FLT4: variants seen among roughly 807,000 people sequenced by gnomAD.
FLT4 encodes fms related receptor tyrosine kinase 4.
FLT4 carries 30 observed loss-of-function variants against 163.2 expected under a neutral mutation model. The observed-to-expected ratio is 0.18, with a 90% CI of 0.14 to 0.25. The LOEUF is 0.25. Among genes scored for constraint, FLT4 ranks in the 10% least tolerant of loss-of-function variants. The pLI is 1.00. For synonymous variants in FLT4, 884 were observed against 789.5 expected (o/e 1.12, Z -2.01); for missense variants, 1,510 against 1,863.8 (o/e 0.81, Z 3.50).
chr5:180,646,271 C>G (rs970063867), intron 1 of FLT4, among the ~76,000 whole-genome samples: 10 of 152,166 alleles, frequency 6.6e-5, no homozygotes, highest in Admixed American at 6.5e-4. Flanking sequence ...TCCCCACCAT[C>G]CCCAGCTGCT....
chr5:180,626,000 G>A lies in FLT4; in HGVS notation c.1290C>T (p.Ser430=), dbSNP rs779120273. The change falls in exon 10 of 30, where the codon TCC becomes TCT. Residue 430 remains serine, a synonymous_variant. Coordinates refer to ENST00000261937, the MANE Select transcript of FLT4 (RefSeq NM_182925.5). ...VPPQIHEKEA[S]SPSIYSRHSR... is the part of the protein sequence containing the mutation. ...TGTGACGCGAGTAGATGCTGGGGGA[G>A]GAGGCCTCCTTCTCATGTATCTGGG... 5.6e-6 allele frequency: 9 copies of A among 1,612,624 alleles called. 1 individual carries two copies. The South Asian group carries it at 9.9e-5, about 18-fold the overall frequency.
intron 1 of FLT4, among the ~76,000 whole-genome samples, chr5:180,646,139 G>T (rs536557676): frequency 1.3e-5 from 2 of 151,980 alleles, no homozygotes; most frequent in East Asian, 3.9e-4. Context: ...TATCTGGCCG[G>T]GTGCATCAGC....
At chr5:180,632,952 G>C (rs540181761) in intron 1 of FLT4, among the ~76,000 whole-genome samples, 1 of 152,142 alleles carries the variant, frequency 6.6e-6, no homozygotes, top group South Asian at 2.1e-4. Flanking sequence ...CCTCCCCCAG[G>C]TCCCTGTCCT....
Position 180,620,010 on chromosome 5 carries a change from G to A in FLT4, c.2542+163C>T, listed in dbSNP as rs1366585903. 6.6e-6 allele frequency among the ~76,000 whole-genome samples: 1 copy of A among 152,162 alleles called. No individual in the cohort carries two copies. Among genetic ancestry groups the A allele is most frequent in the Non-Finnish European group, 1.5e-5 (1 of 68,016 alleles). The stretch of plus-strand genomic sequence containing the variant: ...GTGACCTCAGGGAGCCTGGGAACTG[G>A]GGACCCTGGCTGAGGTTCTAGGTAC... On this transcript the variant is annotated intron_variant, in intron 17 of 29. Transcript: ENST00000261937. The surrounding 1 kb of genome is among the most constrained non-coding windows in gnomAD (Gnocchi z 4.4).
rs1561704087 is a variant in FLT4, at chr5:180,615,192, CCCCG to C, written c.3220-1017_3220-1014del. On this transcript the variant is annotated intron_variant, in intron 23 of 29. Coordinates refer to ENST00000261937, the MANE Select transcript of FLT4 (RefSeq NM_182925.5). Reference sequence around the variant, plus strand: ...CTCCACTTCCTTTCGGAGCACTGGGCCCCGCTGGTCACCTCCCTTCTCCACTTCC... The same window carrying C: ...CTCCACTTCCTTTCGGAGCACTGGGCCTGGTCACCTCCCTTCTCCACTTCC... Among the ~76,000 whole-genome samples, 37 of 28,292 alleles carry C rather than the reference CCCCG, an allele frequency of 1.3e-3. 3 individuals are homozygous for C. The highest frequency in any genetic ancestry group is 5.3e-3 in the Admixed American group (12 of 2,262). The allele number at this position is 28,292 out of a possible 152,430, so 18.6% of individuals were successfully genotyped here.
At chr5:180,629,599 C>CT (rs1763927461) in intron 6 of FLT4, 97 bp downstream of exon 6, 1 of 1,503,360 alleles carries the variant, frequency 6.7e-7, no homozygotes, top group Non-Finnish European at 9.1e-7. Flanking sequence ...TGGGGCAGGC[C>CT]TGGGCCCACA....
At position 180,628,983 on chromosome 5, in the gene FLT4, G is replaced by A. The variant is rs748121690; in HGVS notation, c.1002C>T (p.Ser334=). 24 of 1,612,152 alleles carry A rather than the reference G, an allele frequency of 1.5e-5. No individual in the cohort carries two copies. The highest frequency in any genetic ancestry group is 1.4e-4 in the South Asian group (13 of 91,066). ...GGATGGGTCCTTTGAGCCACTCGAC[G>A]CTGATGAAGGGATTTTCTGCCGGAC... ...EVIVHENPFI[S]VEWLKGPILE... Residue 334 remains serine, a synonymous_variant, in exon 8 of 30, where the codon AGC becomes AGT. Coordinates refer to ENST00000261937, the MANE Select transcript of FLT4 (RefSeq NM_182925.5).
Position 180,623,089 on chromosome 5 carries a change from G to A in FLT4, c.1549-250C>T, listed in dbSNP as rs930932908. On this transcript the variant is annotated intron_variant, in intron 11 of 29. Coordinates refer to ENST00000261937, the MANE Select transcript of FLT4 (RefSeq NM_182925.5). This position sits in a 1 kb window ranked among gnomAD's most constrained non-coding sequence, Gnocchi z 5.8. The stretch of plus-strand genomic sequence containing the variant: ...AGTGTATGGACTGCTGGCCTAGGCT[G>A]CAGTGACGTCAGAGGGCAGCCTTTG... Among the ~76,000 whole-genome samples, 2 of 152,196 alleles carry A rather than the reference G, an allele frequency of 1.3e-5. No homozygotes were observed. Among genetic ancestry groups the A allele is most frequent in the African/African-American group, 4.8e-5 (2 of 41,450 alleles).
Position 180,602,796 on chromosome 5 carries a change from C to CA in FLT4, c.*395dup, listed in dbSNP as rs1761583671. 1 of 542,242 alleles carries CA rather than the reference C, an allele frequency of 1.8e-6. No individual in the cohort carries two copies. The highest frequency in any genetic ancestry group is 3.0e-5 in the South Asian group (1 of 33,402). 33.6% of individuals were successfully genotyped at this position (542,242 alleles called of 1,614,324 possible). ...CTCTGCTCTCGTATGCCTTAACCTC[C>CA]AACACTGTGTGACTCCCAGACCCAC... On this transcript the variant is annotated 3_prime_UTR_variant, in exon 30 of 30. Coordinates refer to ENST00000261937, the MANE Select transcript of FLT4 (RefSeq NM_182925.5).
chr5:180,634,177 C>T (rs1764378353), intron 1 of FLT4, among the ~76,000 whole-genome samples: 1 of 152,172 alleles, frequency 6.6e-6, no homozygotes, highest in Admixed American at 6.5e-5. Context: ...GTCCTTTTTC[C>T]TGGGACATCC....
At chr5:180,605,997 C>T (rs1761760316) in intron 29 of FLT4, among the ~76,000 whole-genome samples, 2 of 152,212 alleles carry the variant, frequency 1.3e-5, no homozygotes, top group Admixed American at 1.3e-4. Context: ...CCTCCTTCTT[C>T]TCCCCACACC....
At chr5:180,611,627 G>T in intron 26 of FLT4, 148 bp from the exon 27 acceptor site, 2 of 821,904 alleles carry the variant, frequency 2.4e-6, no homozygotes, top group African/African-American at 1.8e-5. Context: ...CCCCGCCCTC[G>T]CCCTGCCCTC....
At chr5:180,647,233 A>T (rs1179548601) in intron 1 of FLT4, among the ~76,000 whole-genome samples, 1 of 152,080 alleles carries the variant, frequency 6.6e-6, no homozygotes, top group Non-Finnish European at 1.5e-5. Flanking sequence ...GACATCTGTG[A>T]CCTACCCTCT....
chr5:180,643,822 C>A lies in FLT4; in HGVS notation c.58+5666G>T, dbSNP rs560095936. On this transcript the variant is annotated intron_variant, in intron 1 of 29. Coordinates refer to ENST00000261937, the MANE Select transcript of FLT4 (RefSeq NM_182925.5). ...GCGGCCGGCTCATTACCACTTTTAA[C>A]AGGTTTTTTTTTTTTTTGAAGTGGA... Among the ~76,000 whole-genome samples, 4 of 151,648 alleles carry A rather than the reference C, an allele frequency of 2.6e-5. No homozygotes were observed. In the East Asian group the frequency reaches 5.8e-4, roughly 22 times the overall value.
At chr5:180,632,308 C>T (rs1162880244) in intron 1 of FLT4, among the ~76,000 whole-genome samples, 1 of 152,214 alleles carries the variant, frequency 6.6e-6, no homozygotes, top group Admixed American at 6.5e-5. Context: ...TGCCAGGGGC[C>T]TCGCCCCTTC....
chr5:180,627,985 C>A (rs905065536), intron 8 of FLT4, among the ~76,000 whole-genome samples: 7 of 152,108 alleles, frequency 4.6e-5, no homozygotes, highest in African/African-American at 7.2e-5. Flanking sequence ...GAGAGACGAG[C>A]CCCCAGCCAG....
intron 29 of FLT4, among the ~76,000 whole-genome samples, chr5:180,604,519 G>A (rs532164822): frequency 1.3e-5 from 2 of 152,230 alleles, no homozygotes; most frequent in South Asian, 4.1e-4. Context: ...GGTCCTTCAA[G>A]TTACACTATG....
intron 1 of FLT4, among the ~76,000 whole-genome samples, chr5:180,633,988 G>A (rs36061354): frequency 0.29 from 43,881 of 152,030 alleles, 6,601 homozygotes; most frequent in East Asian, 0.53. Flanking sequence ...CAGCTCCACC[G>A]TGCGGCAGCT....
intron 1 of FLT4, among the ~76,000 whole-genome samples, chr5:180,641,722 G>A (rs191699678): frequency 3.3e-5 from 5 of 152,308 alleles, no homozygotes; most frequent in Admixed American, 1.3e-4. Flanking sequence ...AGGGGCTGTC[G>A]GTCCTCACTG....
Sources: allele counts gnomAD v4.1 joint callset (sites outside exome capture counted in the v4.1 genomes callset), GRCh38; gene constraint gnomAD v4.1.1; non-coding constraint Gnocchi (gnomAD v3.1); transcripts MANE v1.5; gene names NCBI Gene and HGNC (gene_info 2026-07-23, HGNC 2026-07-21).